PTPRD: variants seen among roughly 807,000 people sequenced by gnomAD.
PTPRD encodes protein tyrosine phosphatase receptor type D.
A neutral mutation model predicts 214.5 loss-of-function variants in PTPRD; 34 were observed. The observed-to-expected ratio is 0.16, with a 90% CI of 0.12 to 0.21. The LOEUF (loss-of-function observed/expected upper bound fraction) is 0.21. Ranked by LOEUF, PTPRD falls within the 10% of genes least tolerant of loss-of-function variation. PTPRD has a pLI of 1.00. For synonymous variants in PTPRD, 1,128 were observed against 845.7 expected (o/e 1.33, Z -5.79); for missense variants, 2,545 against 2,398.7 (o/e 1.06, Z -1.27).
At chr9:8,987,469 C>T (rs2154344954) in intron 11 of PTPRD, among the ~76,000 whole-genome samples, 1 of 152,174 alleles carries the variant, frequency 6.6e-6, no homozygotes, top group East Asian at 1.9e-4. Context: ...GGCATAAAGA[C>T]AATAGGTGGT....
At chr9:9,565,097 T>C (rs1405203429) in intron 8 of PTPRD, among the ~76,000 whole-genome samples, 1 of 151,738 alleles carries the variant, frequency 6.6e-6, no homozygotes, top group Non-Finnish European at 1.5e-5. Flanking sequence ...TGAAAAGTTA[T>C]ATTCAAATAT....
intron 10 of PTPRD, among the ~76,000 whole-genome samples, chr9:9,081,474 G>A (rs1309122571): frequency 6.6e-6 from 1 of 152,106 alleles, no homozygotes; most frequent in Admixed American, 6.6e-5. Context: ...ATATTCTGTT[G>A]ATTTTGGGTG....
chr9:8,373,155 T>A (rs1418408110), intron 39 of PTPRD, among the ~76,000 whole-genome samples: 1 of 151,976 alleles, frequency 6.6e-6, no homozygotes, highest in East Asian at 1.9e-4. Flanking sequence ...TAAACTAGCA[T>A]TTCTGGGATG....
chr9:9,215,080 C>A (rs897370026), intron 9 of PTPRD, among the ~76,000 whole-genome samples: 7 of 152,166 alleles, frequency 4.6e-5, no homozygotes, highest in African/African-American at 1.4e-4. Flanking sequence ...AGTTCCAGTG[C>A]AGGATCAGTT....
At chr9:8,705,107 G>T (rs753430442) in intron 12 of PTPRD, among the ~76,000 whole-genome samples, 1 of 151,992 alleles carries the variant, frequency 6.6e-6, no homozygotes, top group Non-Finnish European at 1.5e-5. Flanking sequence ...TTTAAAAAAA[G>T]GGCTCAGTGT....
chr9:8,678,434 G>C (rs1050997754), intron 12 of PTPRD, among the ~76,000 whole-genome samples: 2 of 152,134 alleles, frequency 1.3e-5, no homozygotes, highest in African/African-American at 4.8e-5. Flanking sequence ...AATCTAAGGA[G>C]ATGAGAGAAT....
chr9:10,523,441 CT>C lies in PTPRD; in HGVS notation c.-600+88956del, dbSNP rs145669672. 2.8e-4 allele frequency among the ~76,000 whole-genome samples: 43 copies of C among 151,680 alleles called. No individual in the cohort carries two copies. In the East Asian group the frequency reaches 7.8e-3, roughly 28 times the overall value. ...AGTCTCCTACTGTTCCCACTTCAGT[CT>C]TTTCTTTCCTCAGCCATGCCCTGCA... is the stretch of plus-strand genomic sequence containing the variant. On this transcript the variant is annotated intron_variant, in intron 2 of 45. Coordinates refer to ENST00000381196, the MANE Select transcript of PTPRD (RefSeq NM_002839.4).
chr9:8,803,970 A>C (rs2096622796), intron 11 of PTPRD, among the ~76,000 whole-genome samples: 1 of 150,218 alleles, frequency 6.7e-6, no homozygotes, highest in Non-Finnish European at 1.5e-5. Context: ...CCACCCCCCC[A>C]CAGACGGAGT....
chr9:8,348,831 C>CAACA (rs1242785114), intron 39 of PTPRD, among the ~76,000 whole-genome samples: 1 of 152,176 alleles, frequency 6.6e-6, no homozygotes, highest in African/African-American at 2.4e-5. Context: ...CACCCTGAAT[C>CAACA]AACATTTCCT....
At chr9:8,916,629 C>T (rs1460032004) in intron 11 of PTPRD, among the ~76,000 whole-genome samples, 2 of 152,064 alleles carry the variant, frequency 1.3e-5, no homozygotes, top group Non-Finnish European at 2.9e-5. Context: ...TAAAATTATC[C>T]TTCTTTACTA....
intron 7 of PTPRD, among the ~76,000 whole-genome samples, chr9:9,668,567 TCTTAA>T (rs1337099003): frequency 6.6e-6 from 1 of 152,198 alleles, no homozygotes. Context: ...ATAAACTAAC[TCTTAA>T]CTTCTTTGCT....
intron 3 of PTPRD, among the ~76,000 whole-genome samples, chr9:10,041,512 AT>A (rs58321166): frequency 0.052 from 7,812 of 149,960 alleles, 276 homozygotes; most frequent in Admixed American, 0.1. Context: ...AACTATTTCA[AT>A]TTTTTTTTTA....
chr9:9,096,145 G>C (rs533060361), intron 10 of PTPRD, among the ~76,000 whole-genome samples: 2 of 152,180 alleles, frequency 1.3e-5, no homozygotes, highest in Non-Finnish European at 2.9e-5. Context: ...CAAGTCTAGA[G>C]ATTTCATGTG....
intron 9 of PTPRD, among the ~76,000 whole-genome samples, chr9:9,212,664 A>G (rs928283670): frequency 2.6e-5 from 4 of 152,214 alleles, no homozygotes; most frequent in African/African-American, 9.6e-5. Context: ...TTTTGCACAT[A>G]CAGCCAAGGC....
chr9:8,690,470 A>C (rs2097780012), intron 12 of PTPRD, among the ~76,000 whole-genome samples: 1 of 151,538 alleles, frequency 6.6e-6, no homozygotes, highest in African/African-American at 2.4e-5. Context: ...GAGAGCTTGC[A>C]CTGAGCCAAG....
In PTPRD at chr9:8,733,836, T is replaced by C. The variant is rs767924782; in HGVS notation, c.8A>G (p.His3Arg). 3.2e-6 allele frequency: 5 copies of C among 1,551,356 alleles called. No homozygotes were observed. The South Asian group carries it at 4.8e-5, about 15-fold the overall frequency. Reference sequence around the variant, plus strand: ...GAGCAGCAGCAGCAGCCTGGCTACGTGCACCATCCTGCAGCTTGGCAGCAG... The same window carrying C: ...GAGCAGCAGCAGCAGCCTGGCTACGCGCACCATCCTGCAGCTTGGCAGCAG... MV[H>R]VARLLLLLLT... is the part of the protein sequence containing the mutation. Residue 3 changes from histidine (H) to arginine (R), a missense_variant, in exon 12 of 46, where the codon CAC becomes CGC. Physicochemically the swap from His to Arg is conservative, Grantham distance 29. Transcript: ENST00000381196.
chr9:9,229,372 T>C (rs1056178254), intron 9 of PTPRD, among the ~76,000 whole-genome samples: 2 of 152,016 alleles, frequency 1.3e-5, no homozygotes, highest in Non-Finnish European at 2.9e-5. Context: ...AGGAAGACCA[T>C]GTGAGCTGTG....
At chr9:9,097,501 C>T (rs1028647672) in intron 10 of PTPRD, among the ~76,000 whole-genome samples, 2 of 151,844 alleles carry the variant, frequency 1.3e-5, no homozygotes, top group East Asian at 1.9e-4. Flanking sequence ...CTCTGCCGCC[C>T]GGATTCAAGC....
rs183931647 is a variant in PTPRD at position 8,504,364 on chromosome 9, T to C, written c.1719A>G (p.Gln573=). Residue 573 remains glutamine (Q), a synonymous_variant, in exon 23 of 46, where the codon CAA becomes CAG. Transcript: ENST00000381196. Reference sequence around the variant, plus strand: ...AGTATAAGCTGTTTGGTTTCAGTCCTTGCAGCCTATATGATGTCCCTGGCT... The same window carrying C: ...AGTATAAGCTGTTTGGTTTCAGTCCCTGCAGCCTATATGATGTCCCTGGCT... ...TIEPGTSYRL[Q]GLKPNSLYYF... is the part of the protein sequence containing the mutation. The C allele has an allele frequency of 1.2e-6, 2 of 1,614,180 alleles. No homozygotes were observed. Among genetic ancestry groups the C allele is most frequent in the African/African-American group, 1.3e-5 (1 of 75,048 alleles).
Sources: allele counts gnomAD v4.1 joint callset (sites outside exome capture counted in the v4.1 genomes callset), GRCh38; gene constraint gnomAD v4.1.1; transcripts MANE v1.5; gene names NCBI Gene and HGNC (gene_info 2026-07-23, HGNC 2026-07-21).